The following DLGAP4 variants were observed in gnomAD, a reference collection of about 807,000 sequenced individuals.
DLGAP4 encodes DLG associated protein 4.
DLGAP4 carries 18 observed loss-of-function variants against 86.9 expected under a neutral mutation model. That is an observed-to-expected ratio of 0.21 (90% CI 0.14 to 0.31). The LOEUF (loss-of-function observed/expected upper bound fraction) is 0.31. Among genes scored for constraint, DLGAP4 ranks in the 10% least tolerant of loss-of-function variants. The pLI is 1.00. For missense variants in DLGAP4, 1,085 were observed against 1,362.6 expected, an observed-to-expected ratio of 0.80 and a Z score of 3.21; for synonymous variants, 548 against 574.3, an observed-to-expected ratio of 0.95 and a Z score of 0.65.
intron 7 of DLGAP4, among the ~76,000 whole-genome samples, chr20:36,487,127 T>G (rs1190491507): frequency 6.6e-6 from 1 of 150,428 alleles, no homozygotes; most frequent in Non-Finnish European, 1.5e-5. Context: ...TGGAGGAGGG[T>G]GGAAGGAGGA....
At chr20:36,471,173 A>G (rs2034645596) in intron 7 of DLGAP4, among the ~76,000 whole-genome samples, 1 of 152,188 alleles carries the variant, frequency 6.6e-6, no homozygotes. Flanking sequence ...AGCAACGGTG[A>G]AGCCAGTGAG....
chr20:36,487,311 A>G (rs2035461125), intron 7 of DLGAP4, among the ~76,000 whole-genome samples: 1 of 152,208 alleles, frequency 6.6e-6, no homozygotes, highest in South Asian at 2.1e-4. Flanking sequence ...CTCTTGAGAT[A>G]GTAGGTGATA....
chr20:36,343,864 C>A (rs903178429), intron 1 of DLGAP4, among the ~76,000 whole-genome samples: 2 of 152,246 alleles, frequency 1.3e-5, no homozygotes, highest in African/African-American at 4.8e-5. Flanking sequence ...TGGCTGCTGG[C>A]CCGTGGCTAC....
At chr20:36,493,340 G>A (rs1333850224) in intron 7 of DLGAP4, among the ~76,000 whole-genome samples, 9 of 152,220 alleles carry the variant, frequency 5.9e-5, no homozygotes, top group South Asian at 2.1e-4. Context: ...GATCTTCCCT[G>A]CAGTCACAGT....
chr20:36,396,311 C>T (rs557647092), intron 2 of DLGAP4, among the ~76,000 whole-genome samples: 4 of 51,464 alleles, frequency 7.8e-5, no homozygotes, highest in Non-Finnish European at 1.9e-4. Flanking sequence ...AACCCCTCAC[C>T]CAGAACCCAG....
At chr20:36,392,136 G>C (rs2031804900) in intron 2 of DLGAP4, among the ~76,000 whole-genome samples, 1 of 152,226 alleles carries the variant, frequency 6.6e-6, no homozygotes, top group Non-Finnish European at 1.5e-5. Context: ...AGTGAGCTGG[G>C]GGGCAGGAGC....
chr20:36,486,800 C>T (rs1211238801), intron 7 of DLGAP4, among the ~76,000 whole-genome samples: 2 of 151,790 alleles, frequency 1.3e-5, no homozygotes, highest in African/African-American at 2.4e-5. Flanking sequence ...TTAGTAGAGG[C>T]GGGGTTTCAC....
intron 1 of DLGAP4, among the ~76,000 whole-genome samples, chr20:36,356,060 C>T (rs924090392): frequency 3.9e-5 from 6 of 152,222 alleles, no homozygotes; most frequent in Admixed American, 6.5e-5. Flanking sequence ...TTAGGACTGG[C>T]GCTGGAACAG....
At chr20:36,487,689 A>G (rs539200727) in intron 7 of DLGAP4, among the ~76,000 whole-genome samples, 2 of 152,172 alleles carry the variant, frequency 1.3e-5, no homozygotes, top group African/African-American at 2.4e-5. Context: ...CTCACCACCC[A>G]TCTAGACGCA....
At chr20:36,375,787 A>C (rs964830986) in intron 2 of DLGAP4, among the ~76,000 whole-genome samples, 3 of 152,116 alleles carry the variant, frequency 2.0e-5, no homozygotes, top group African/African-American at 7.2e-5. Flanking sequence ...TGGTGGGGAG[A>C]CACAGGGCTA....
chr20:36,396,321 GCACACACACACACACGCA>G (rs2031947804), intron 2 of DLGAP4, among the ~76,000 whole-genome samples: 2 of 1,964 alleles, frequency 1.0e-3, no homozygotes, highest in African/African-American at 1.8e-3. Context: ...CCAGAACCCA[GCACACACACACACACGCA>G]CACACACACA....
chr20:36,308,979 C>T lies in DLGAP4; in HGVS notation c.-304+2467C>T, dbSNP rs1555889717. Among the ~76,000 whole-genome samples the T allele has an allele frequency of 6.6e-6, 1 of 151,148 alleles. No individual in the cohort carries two copies. On this transcript the variant is annotated intron_variant, in intron 1 of 12. Coordinates refer to ENST00000339266, the MANE Select transcript of DLGAP4 (RefSeq NM_001365621.2). This position sits in a 1 kb window ranked among gnomAD's most constrained non-coding sequence, Gnocchi z 4.5. ...TCCCCCTCCCCCAACTAGCTACTTT[C>T]TAGCCACCTCTTGCTCCCCACCCCC...
chr20:36,351,714 G>C (rs543940296), intron 1 of DLGAP4, among the ~76,000 whole-genome samples: 1 of 152,258 alleles, frequency 6.6e-6, no homozygotes, highest in South Asian at 2.1e-4. Context: ...GTGGCGAAAA[G>C]GTTGGGGACC....
chr20:36,474,096 G>A (rs1008301662), intron 7 of DLGAP4, among the ~76,000 whole-genome samples: 1 of 152,250 alleles, frequency 6.6e-6, no homozygotes, highest in African/African-American at 2.4e-5. Flanking sequence ...CACAGTGCCT[G>A]GTACAGAGGA....
chr20:36,341,946 G>T (rs181539272), intron 1 of DLGAP4, among the ~76,000 whole-genome samples: 5 of 152,286 alleles, frequency 3.3e-5, no homozygotes, highest in Admixed American at 3.3e-4. Flanking sequence ...CACTTCATTC[G>T]ACTTTCTCCT....
At position 36,312,487 on chromosome 20, in the gene DLGAP4, G is replaced by C. The variant is rs950393202; in HGVS notation, c.-304+5975G>C. 1.6e-3 allele frequency among the ~76,000 whole-genome samples: 248 copies of C among 152,270 alleles called. 5 individuals are homozygous for C. The East Asian group carries it at 0.038, about 23-fold the overall frequency. ...GCAGGTCACCCACCTCTGGGAGTCT[G>C]CTTCAAAAGTGGCTAATGGAACATT... On this transcript the variant is annotated intron_variant, in intron 1 of 12. Transcript: ENST00000339266.
chr20:36,319,667 G>T (rs1446860482), intron 1 of DLGAP4, among the ~76,000 whole-genome samples: 1 of 152,180 alleles, frequency 6.6e-6, no homozygotes, highest in Non-Finnish European at 1.5e-5. Context: ...GACCTCAGGG[G>T]TGGAGCGGGG....
chr20:36,343,692 TCAG>T (rs1261350177), intron 1 of DLGAP4, among the ~76,000 whole-genome samples: 43 of 152,184 alleles, frequency 2.8e-4, no homozygotes, highest in Admixed American at 2.7e-3. Flanking sequence ...CACACTTCAC[TCAG>T]CAGGAAATTT....
intron 7 of DLGAP4, among the ~76,000 whole-genome samples, chr20:36,460,964 G>A (rs1475520209): frequency 6.6e-6 from 1 of 152,218 alleles, no homozygotes; most frequent in African/African-American, 2.4e-5. Context: ...ATGCAGTGGC[G>A]AGGACAGCTA....
Sources: gnomAD v4.1 joint callset for allele counts (sites outside exome capture counted in the v4.1 genomes callset) on GRCh38, gnomAD v4.1.1 for gene constraint, Gnocchi (gnomAD v3.1) non-coding constraint, MANE v1.5 for transcripts, NCBI Gene and HGNC (gene_info 2026-07-23, HGNC 2026-07-21) for gene names.